Variants in ARHGEF4 observed in about 807,000 individuals in gnomAD.
The protein encoded by ARHGEF4 is APC-stimulated guanine nucleotide exchange factor 1.
Under a neutral mutation model 162.0 loss-of-function variants are expected in ARHGEF4, and 119 were observed. The ratio of observed to expected loss-of-function variants is 0.73; its 90% CI spans 0.63 to 0.86. ARHGEF4 has a LOEUF of 0.86. Among genes scored for constraint, ARHGEF4 ranks in the 40% least tolerant of loss-of-function variants. The probability of loss-of-function intolerance (pLI) is 0.00; values close to 1 mark genes in which losing one functional copy is unlikely to be tolerated. For missense variants in ARHGEF4, 2,488 were observed against 2,456.0 expected, an observed-to-expected ratio of 1.01 and a Z score of -0.28; for synonymous variants, 1,014 against 979.9, an observed-to-expected ratio of 1.03 and a Z score of -0.65.
chr2:130,936,315 A>C (rs1682941459), intron 3 of ARHGEF4, among the ~76,000 whole-genome samples: 1 of 152,142 alleles, frequency 6.6e-6, no homozygotes, highest in South Asian at 2.1e-4. Context: ...TTCTCACATG[A>C]TTTCTGTCGA....
chr2:131,023,092 A>AAAAAAAG (rs1257328408), intron 4 of ARHGEF4, among the ~76,000 whole-genome samples: 1 of 150,580 alleles, frequency 6.6e-6, no homozygotes, highest in Non-Finnish European at 1.5e-5. Flanking sequence ...AAAAAAAAAA[A>AAAAAAAG]AAAGAACTTT....
intron 2 of ARHGEF4, among the ~76,000 whole-genome samples, chr2:130,927,691 A>AATG (rs1361189479): frequency 1.4e-5 from 2 of 139,324 alleles, no homozygotes; most frequent in African/African-American, 5.9e-5. Flanking sequence ...AGCATGTATG[A>AATG]GTGGTATATA....
At chr2:130,926,028 C>CTTTA (rs1682238847) in intron 2 of ARHGEF4, among the ~76,000 whole-genome samples, 1 of 105,558 alleles carries the variant, frequency 9.5e-6, no homozygotes, top group African/African-American at 5.3e-5. Context: ...TTCTTTCTTT[C>CTTTA]TTTCTTTCTT....
chr2:131,002,528 G>A (rs1052075594), intron 4 of ARHGEF4, among the ~76,000 whole-genome samples: 20 of 152,044 alleles, frequency 1.3e-4, no homozygotes, highest in Non-Finnish European at 2.9e-4. Flanking sequence ...GGCTAACACA[G>A]TGAAACCCCA....
intron 4 of ARHGEF4, among the ~76,000 whole-genome samples, chr2:130,996,421 A>G (rs983300736): frequency 1.3e-5 from 2 of 152,184 alleles, no homozygotes; most frequent in African/African-American, 4.8e-5. Context: ...ATAGACTGCC[A>G]TTACCAAAAG....
At chr2:131,043,012 G>A (rs577398010) in intron 10 of ARHGEF4, among the ~76,000 whole-genome samples, 4 of 152,260 alleles carry the variant, frequency 2.6e-5, no homozygotes, top group Middle Eastern at 3.4e-3. Context: ...ATATGGAATC[G>A]TATGCTATGC....
chr2:130,900,293 A>G (rs1021722215), intron 1 of ARHGEF4, among the ~76,000 whole-genome samples: 8 of 152,230 alleles, frequency 5.3e-5, no homozygotes, highest in Non-Finnish European at 7.3e-5. Flanking sequence ...TAGTAGTCCT[A>G]TCTATTGCTG....
chr2:130,873,481 C>T (rs980496828), intron 1 of ARHGEF4, among the ~76,000 whole-genome samples: 10 of 149,234 alleles, frequency 6.7e-5, no homozygotes, highest in African/African-American at 2.3e-4. Flanking sequence ...CCTAGCTACT[C>T]GGGAGGCTGA....
chr2:130,931,663 C>G (rs1682641806), intron 3 of ARHGEF4, among the ~76,000 whole-genome samples: 1 of 152,210 alleles, frequency 6.6e-6, no homozygotes, highest in South Asian at 2.1e-4. Context: ...ACAATCTTAA[C>G]CAAATTAACT....
At chr2:130,883,548 A>G (rs758799480) in intron 1 of ARHGEF4, among the ~76,000 whole-genome samples, 4 of 152,062 alleles carry the variant, frequency 2.6e-5, no homozygotes, top group Non-Finnish European at 5.9e-5. Context: ...TATTTACAAC[A>G]CTTTTCTAAA....
rs554015620 is a variant in ARHGEF4, at chr2:131,040,316, G to T, written c.4538G>T (p.Arg1513Leu). 360 of 1,612,970 alleles carry T rather than the reference G, an allele frequency of 2.2e-4. 8 individuals are homozygous for T. In the South Asian group the frequency reaches 3.7e-3, roughly 17 times the overall value. The stretch of plus-strand genomic sequence containing the variant: ...GACATGTTCAGCGAGGAGCAGCTGC[G>T]TACCATCTTCGGGAACATCGAGGAC... ...RADMFSEEQL[R>L]TIFGNIEDIY... Residue 1513 changes from arginine to leucine, a missense_variant, in exon 8 of 14, where the codon CGT (arginine) becomes CTT (leucine). Coordinates refer to ENST00000409359, the MANE Select transcript of ARHGEF4 (RefSeq NM_001367493.1).
chr2:131,013,006 C>T (rs957620614), intron 4 of ARHGEF4, among the ~76,000 whole-genome samples: 1 of 152,234 alleles, frequency 6.6e-6, no homozygotes, highest in Non-Finnish European at 1.5e-5. Flanking sequence ...CCAGGAAAAA[C>T]TATTCTGGTT....
intron 1 of ARHGEF4, among the ~76,000 whole-genome samples, chr2:130,847,986 C>T (rs1681115851): frequency 6.6e-6 from 1 of 152,212 alleles, no homozygotes; most frequent in African/African-American, 2.4e-5. Context: ...AGCTGACCTG[C>T]TGAGTGGAGG....
Position 131,038,856 on chromosome 2 carries a change from A to G in ARHGEF4, c.4129A>G (p.Ile1377Val), listed in dbSNP as rs569466108. 5.6e-6 allele frequency: 9 copies of G among 1,605,746 alleles called. No individual in the cohort carries two copies. Among genetic ancestry groups the G allele is most frequent in the Non-Finnish European group, 7.7e-6 (9 of 1,175,278 alleles). Residue 1377 changes from isoleucine (I) to valine (V), a missense_variant, in exon 6 of 14, where the codon ATC becomes GTC. Coordinates refer to ENST00000409359, the MANE Select transcript of ARHGEF4 (RefSeq NM_001367493.1). ...GGEQLAINEL[I>V]SDGSVVCAEA... is the part of the protein sequence containing the mutation. ...CTGCCCGTGGCTCTCTCGGCAGCTC[A>G]TCAGCGATGGCAGTGTGGTCTGCGC... is the stretch of plus-strand genomic sequence containing the variant.
chr2:131,011,634 T>C, intron 4 of ARHGEF4: 3 of 1,532,526 alleles, frequency 2.0e-6, no homozygotes, highest in Non-Finnish European at 2.6e-6. Context: ...CTCTCAAAAC[T>C]GGTTAACTGA....
intron 1 of ARHGEF4, among the ~76,000 whole-genome samples, chr2:130,871,027 A>T (rs1189997448): frequency 6.6e-6 from 1 of 152,090 alleles, no homozygotes; most frequent in Admixed American, 6.5e-5. Flanking sequence ...CCCTAGAAGC[A>T]TATCTGCAGT....
chr2:130,999,582 T>C (rs1482138163), intron 4 of ARHGEF4, among the ~76,000 whole-genome samples: 1 of 152,208 alleles, frequency 6.6e-6, no homozygotes, highest in Non-Finnish European at 1.5e-5. Flanking sequence ...TTGAATAAAC[T>C]CCTATCTTTT....
intron 4 of ARHGEF4, among the ~76,000 whole-genome samples, chr2:130,982,139 C>T (rs1291011792): frequency 6.6e-6 from 1 of 152,226 alleles, no homozygotes; most frequent in South Asian, 2.1e-4. Flanking sequence ...GCTGGGATTA[C>T]AGGCACCCAC....
chr2:130,974,709 G>A (rs529686816), intron 4 of ARHGEF4, among the ~76,000 whole-genome samples: 18 of 151,102 alleles, frequency 1.2e-4, no homozygotes, highest in East Asian at 9.7e-4. Context: ...CAATCCACCC[G>A]CCTTGGCCTC....
Sources: gnomAD v4.1 joint callset for allele counts (sites outside exome capture counted in the v4.1 genomes callset) on GRCh38, gnomAD v4.1.1 for gene constraint, MANE v1.5 for transcripts, NCBI Gene and HGNC (gene_info 2026-07-23, HGNC 2026-07-21) for gene names.